Variants in GNE observed in about 807,000 individuals in gnomAD.
GNE encodes the protein glucosamine (UDP-N-acetyl)-2-epimerase/N-acetylmannosamine kinase, also known as bifunctional UDP-N-acetylglucosamine 2-epimerase/N-acetylmannosamine kinase.
In GNE, 41 loss-of-function variants were observed where a neutral mutation model predicts 61.8. That is an observed-to-expected ratio of 0.66 (90% confidence interval 0.52 to 0.86). The LOEUF (loss-of-function observed/expected upper bound fraction) is 0.86. Among genes scored for constraint, GNE ranks in the 40% least tolerant of loss-of-function variants. The probability of loss-of-function intolerance (pLI) is 0.00; values close to 1 mark genes in which losing one functional copy is unlikely to be tolerated. For synonymous variants in GNE, 264 were observed against 326.4 expected, an observed-to-expected ratio of 0.81 and a Z score of 2.06; for missense variants, 608 against 909.1, an observed-to-expected ratio of 0.67 and a Z score of 4.26.
intron 3 of GNE, among the ~76,000 whole-genome samples, chr9:36,238,138 AC>A (rs1829479636): frequency 7.5e-6 from 1 of 134,160 alleles, no homozygotes; most frequent in Non-Finnish European, 1.7e-5. Flanking sequence ...ACACACACAC[AC>A]ACACACATAT....
At chr9:36,226,033 T>C (rs976285644) in intron 7 of GNE, among the ~76,000 whole-genome samples, 1 of 152,240 alleles carries the variant, frequency 6.6e-6, no homozygotes, top group South Asian at 2.1e-4. Flanking sequence ...TCCAAAATTA[T>C]GTGAGATAAT....
At chr9:36,241,577 A>G (rs539611596) in intron 3 of GNE, among the ~76,000 whole-genome samples, 4 of 152,186 alleles carry the variant, frequency 2.6e-5, no homozygotes, top group Non-Finnish European at 5.9e-5. Flanking sequence ...CACTTCTGAT[A>G]TTATTACCAG....
intron 9 of GNE, among the ~76,000 whole-genome samples, chr9:36,221,313 A>C (rs1364081132): frequency 2.0e-5 from 3 of 152,064 alleles, no homozygotes; most frequent in Non-Finnish European, 4.4e-5. Flanking sequence ...CTCACTCTTT[A>C]AATAAATAAA....
intron 7 of GNE, among the ~76,000 whole-genome samples, chr9:36,225,670 G>A (rs1263261649): frequency 6.6e-6 from 1 of 152,110 alleles, no homozygotes; most frequent in Non-Finnish European, 1.5e-5. Context: ...GGGCACAGTG[G>A]CATGTGCCTG....
upstream of GNE, among the ~76,000 whole-genome samples, chr9:36,260,315 T>A (rs114870048): frequency 0.011 from 1,633 of 147,802 alleles, 31 homozygotes; most frequent in African/African-American, 0.038. Flanking sequence ...AAGAAAGAAA[T>A]GACTTCCAGG....
chr9:36,253,867 A>G lies in GNE; in HGVS notation c.-43+4454T>C, dbSNP rs1259096116. ...AGCCTGGCCAACATGGTGAAACCCC[A>G]TCTCTACTAAAAATACAAAACTTAG... is the stretch of plus-strand genomic sequence containing the variant. On this transcript the variant is annotated intron_variant, in intron 1 of 11. Transcript: ENST00000642385. Among the ~76,000 whole-genome samples, 3 of 150,946 alleles carry G rather than the reference A, an allele frequency of 2.0e-5. No homozygotes were observed. In the East Asian group the frequency reaches 6.1e-4, roughly 31 times the overall value.
chr9:36,225,360 C>T (rs972446868), intron 7 of GNE, among the ~76,000 whole-genome samples: 2 of 152,088 alleles, frequency 1.3e-5, no homozygotes, highest in African/African-American at 4.8e-5. Context: ...CTAGGTCAGG[C>T]ACGGTCGCTC....
chr9:36,266,551 A>G (rs996989205), intron 1 of GNE, among the ~76,000 whole-genome samples: 5 of 152,270 alleles, frequency 3.3e-5, no homozygotes, highest in Non-Finnish European at 5.9e-5. Context: ...AGGCAGGTGG[A>G]TCACCTGAGG....
In GNE at chr9:36,228,980, T is replaced by TC. The variant is rs544511383; in HGVS notation, c.1070+40dup. The TC allele has an allele frequency of 5.5e-3, 5,894 of 1,070,452 alleles. 27 individuals are homozygous for TC. Among genetic ancestry groups the TC allele is most frequent in the Middle Eastern group, 7.3e-3 (37 of 5,060 alleles). 66.3% of individuals were successfully genotyped at this position (1,070,452 alleles called of 1,614,324 possible). On this transcript the variant is annotated intron_variant, in intron 6 of 11. Coordinates refer to ENST00000642385, the MANE Select transcript of GNE (RefSeq NM_005476.7). Reference sequence around the variant, plus strand: ...GCTTTAAAATGGTACTGAAGGTAGCTCCCCTTTTAAATCACTCAACAAAGA... The same window carrying TC: ...GCTTTAAAATGGTACTGAAGGTAGCTCCCCCTTTTAAATCACTCAACAAAGA...
At chr9:36,224,344 G>A (rs1363299241) in intron 7 of GNE, among the ~76,000 whole-genome samples, 1 of 152,064 alleles carries the variant, frequency 6.6e-6, no homozygotes, top group Non-Finnish European at 1.5e-5. Context: ...TAAGCTGGGA[G>A]GATTTCTTGA....
chr9:36,274,945 T>C (rs1045562300), intron 1 of GNE, among the ~76,000 whole-genome samples: 1 of 152,160 alleles, frequency 6.6e-6, no homozygotes, highest in Non-Finnish European at 1.5e-5. Context: ...AGGATGGTCT[T>C]GATCTCCTGA....
intron 2 of GNE, among the ~76,000 whole-genome samples, chr9:36,246,965 G>A (rs10738960): frequency 0.75 from 113,580 of 152,152 alleles, 42,874 homozygotes; most frequent in Non-Finnish European, 0.8. Flanking sequence ...GACTGCACCC[G>A]GCCAGAGAAT....
rs750554841 is a variant in GNE at position 36,217,415 on chromosome 9, G to A, written c.2119C>T (p.Leu707=). 12 of 1,614,016 alleles carry A rather than the reference G, an allele frequency of 7.4e-6. No individual in the cohort carries two copies. The highest frequency in any genetic ancestry group is 6.8e-6 in the Non-Finnish European group (8 of 1,180,004). The stretch of plus-strand genomic sequence containing the variant: ...TCCAGAACCATGCTGGCAGCACCCA[G>A]CAGGGCGGGGTCAACCAAATCCGAA... ...VVSDLVDPAL[L]GAASMVLDYT... Residue 707 remains leucine, a synonymous_variant, in exon 12 of 12, where the codon CTG becomes TTG. Transcript: ENST00000642385.
At chr9:36,254,089 C>T (rs1277539682) in intron 1 of GNE, among the ~76,000 whole-genome samples, 2 of 152,100 alleles carry the variant, frequency 1.3e-5, no homozygotes. Context: ...CCTGTAATCC[C>T]AGCTGCTTGG....
chr9:36,221,751 C>G (rs1181575717), intron 9 of GNE, among the ~76,000 whole-genome samples: 1 of 152,060 alleles, frequency 6.6e-6, no homozygotes, highest in African/African-American at 2.4e-5. Flanking sequence ...GAGACCAAGG[C>G]AGGAGGATCC....
At chr9:36,230,966 T>A (rs930351896) in intron 5 of GNE, among the ~76,000 whole-genome samples, 5 of 151,458 alleles carry the variant, frequency 3.3e-5, no homozygotes, top group Non-Finnish European at 7.4e-5. Flanking sequence ...GAAACAGAAT[T>A]TTTAGCCAGG....
chr9:36,243,203 C>G (rs567356313), intron 3 of GNE, among the ~76,000 whole-genome samples: 81 of 152,242 alleles, frequency 5.3e-4, no homozygotes, highest in African/African-American at 1.6e-3. Flanking sequence ...CACCATCACA[C>G]CCGGCTGATT....
chr9:36,247,561 G>A lies in GNE; in HGVS notation c.165-1079C>T, dbSNP rs147916630. On this transcript the variant is annotated intron_variant, in intron 2 of 11. Transcript: ENST00000642385. The stretch of plus-strand genomic sequence containing the variant: ...CTTCCACCCTTGGTAACTGTGGTAG[G>A]CAGATAAAAAACCTACTACCATTTC... Among the ~76,000 whole-genome samples the A allele has an allele frequency of 9.6e-3, 1,455 of 152,072 alleles. 8 individuals are homozygous for A. Among genetic ancestry groups the A allele is most frequent in the Non-Finnish European group, 0.016 (1,110 of 67,986 alleles).
At chr9:36,243,452 A>C (rs891085038) in intron 3 of GNE, among the ~76,000 whole-genome samples, 4 of 152,210 alleles carry the variant, frequency 2.6e-5, no homozygotes, top group Non-Finnish European at 5.9e-5. Context: ...TTTCATCGGA[A>C]GCATACTAAA....
Sources: gnomAD v4.1 joint callset for allele counts (sites outside exome capture counted in the v4.1 genomes callset) on GRCh38, gnomAD v4.1.1 for gene constraint, MANE v1.5 for transcripts, NCBI Gene and HGNC (gene_info 2026-07-23, HGNC 2026-07-21) for gene names.